Variants in TENM3 observed in about 807,000 individuals in gnomAD.
TENM3 encodes teneurin-3.
In TENM3, 63 loss-of-function variants were observed where a neutral mutation model predicts 255.1. That is an observed-to-expected ratio of 0.25 (90% CI 0.20 to 0.30). The LOEUF is 0.30. Among genes scored for constraint, TENM3 ranks in the 10% least tolerant of loss-of-function variants. The pLI is 1.00. For missense variants in TENM3, 2,929 were observed against 3,461.1 expected (o/e 0.85, Z 3.86); for synonymous variants, 1,306 against 1,322.3 (o/e 0.99, Z 0.27).
chr4:182,492,435 A>G (rs1206107913), intron 3 of TENM3, among the ~76,000 whole-genome samples: 3 of 152,194 alleles, frequency 2.0e-5, no homozygotes, highest in Non-Finnish European at 4.4e-5. Flanking sequence ...GTCAATTATA[A>G]CTAATTATGA....
At chr4:182,682,679 T>C (rs931098687) in intron 11 of TENM3, among the ~76,000 whole-genome samples, 1 of 152,188 alleles carries the variant, frequency 6.6e-6, no homozygotes, top group African/African-American at 2.4e-5. Flanking sequence ...AGTATAAGTA[T>C]ACATGCACAT....
chr4:181,938,227 A>G, the TENM3 span, among the ~76,000 whole-genome samples: 4 of 152,196 alleles, frequency 2.6e-5, no homozygotes, highest in South Asian at 2.1e-4. Context: ...TCTTTATTAT[A>G]TAGATGAGAA....
the TENM3 span, among the ~76,000 whole-genome samples, chr4:181,939,953 T>C: frequency 6.6e-6 from 1 of 152,200 alleles, no homozygotes; most frequent in African/African-American, 2.4e-5. Flanking sequence ...TTTCAAAATA[T>C]CGTGACAAGC....
the TENM3 span, among the ~76,000 whole-genome samples, chr4:181,636,471 A>G: frequency 6.6e-6 from 1 of 152,044 alleles, no homozygotes; most frequent in Non-Finnish European, 1.5e-5. Context: ...CTTCATAACA[A>G]CCTCTAGACT....
At chr4:182,244,336 G>A (rs1195593235) in intron 1 of TENM3, among the ~76,000 whole-genome samples, 1 of 152,108 alleles carries the variant, frequency 6.6e-6, no homozygotes, top group African/African-American at 2.4e-5. Flanking sequence ...ATTTTTAACT[G>A]GTTTGCTGTG....
chr4:182,029,265 T>C, the TENM3 span, among the ~76,000 whole-genome samples: 2 of 152,044 alleles, frequency 1.3e-5, no homozygotes, highest in African/African-American at 4.8e-5. Flanking sequence ...CATTTCCCCC[T>C]CTTGCTCCAT....
chr4:181,782,716 G>T, the TENM3 span, among the ~76,000 whole-genome samples: 6 of 152,198 alleles, frequency 3.9e-5, no homozygotes, highest in Admixed American at 2.6e-4. Context: ...TGACTTTAGG[G>T]TGTCAATTTT....
At chr4:181,589,278 A>G in the TENM3 span, among the ~76,000 whole-genome samples, 1 of 152,168 alleles carries the variant, frequency 6.6e-6, no homozygotes, top group South Asian at 2.1e-4. Flanking sequence ...TTTTATTTTT[A>G]TCATGAACTG....
chr4:182,318,376 T>C (rs972356517), intron 1 of TENM3, among the ~76,000 whole-genome samples: 10 of 152,312 alleles, frequency 6.6e-5, no homozygotes, highest in African/African-American at 2.4e-4. Context: ...CAAGTTACTT[T>C]CTAAAGATAC....
the TENM3 span, among the ~76,000 whole-genome samples, chr4:181,936,934 TAAAAC>T: frequency 6.6e-6 from 1 of 152,154 alleles, no homozygotes; most frequent in Non-Finnish European, 1.5e-5. Context: ...TCATAAATAA[TAAAAC>T]AATTTGCAAT....
chr4:181,753,548 A>G, the TENM3 span, among the ~76,000 whole-genome samples: 1 of 151,680 alleles, frequency 6.6e-6, no homozygotes, highest in Middle Eastern at 3.4e-3. Flanking sequence ...AAAAAGATGG[A>G]TTTATCTTGA....
In TENM3 at chr4:182,705,120, C is replaced by T. The variant is rs530877249; in HGVS notation, c.2222-8967C>T. ...CAAATCAATGGGTGTGCACCTTGCA[C>T]GCTGATTTAAACAGTTGCTGATTGG... On this transcript the variant is annotated intron_variant, in intron 12 of 27. Coordinates refer to ENST00000511685, the MANE Select transcript of TENM3 (RefSeq NM_001080477.4). Among the ~76,000 whole-genome samples the T allele has an allele frequency of 9.9e-5, 15 of 152,228 alleles. No homozygotes were observed. In the South Asian group the frequency reaches 1.0e-3, roughly 11 times the overall value.
chr4:182,018,312 G>T, the TENM3 span, among the ~76,000 whole-genome samples: 23 of 152,158 alleles, frequency 1.5e-4, no homozygotes, highest in African/African-American at 5.3e-4. Flanking sequence ...TCTCACAAGC[G>T]TGTGGGATTT....
the TENM3 span, among the ~76,000 whole-genome samples, chr4:181,448,268 G>A: frequency 3.7e-5 from 5 of 134,820 alleles, no homozygotes; most frequent in South Asian, 2.6e-4. Flanking sequence ...CCGGGTTCAC[G>A]CCATTCTCCT....
the TENM3 span, among the ~76,000 whole-genome samples, chr4:181,853,285 G>A: frequency 5.3e-5 from 8 of 152,224 alleles, no homozygotes; most frequent in African/African-American, 1.4e-4. Context: ...ACAAATATCT[G>A]ATATTCTATT....
intron 13 of TENM3, among the ~76,000 whole-genome samples, chr4:182,723,016 G>A (rs908901975): frequency 3.3e-5 from 5 of 152,192 alleles, no homozygotes; most frequent in Non-Finnish European, 5.9e-5. Flanking sequence ...GAGCAGCAGC[G>A]TATTTGGAGG....
chr4:182,037,069 G>A, the TENM3 span, among the ~76,000 whole-genome samples: 2 of 151,750 alleles, frequency 1.3e-5, no homozygotes, highest in Non-Finnish European at 2.9e-5. Context: ...TAAAAATAAT[G>A]GAGTTCTATA....
chr4:182,724,108 G>A (rs993215788), intron 13 of TENM3, among the ~76,000 whole-genome samples: 8 of 152,158 alleles, frequency 5.3e-5, no homozygotes, highest in African/African-American at 1.9e-4. Flanking sequence ...AAGAAAGACA[G>A]GCTCTTAACT....
intron 4 of TENM3, among the ~76,000 whole-genome samples, chr4:182,608,545 T>C (rs1748652340): frequency 1.3e-5 from 2 of 152,228 alleles, no homozygotes; most frequent in African/African-American, 4.8e-5. Flanking sequence ...GCTGGGACAG[T>C]GAGGAGGGCT....
Sources: gnomAD v4.1 joint callset for allele counts (sites outside exome capture counted in the v4.1 genomes callset) on GRCh38, gnomAD v4.1.1 for gene constraint, MANE v1.5 for transcripts, NCBI Gene and HGNC (gene_info 2026-07-23, HGNC 2026-07-21) for gene names.